Variants in LHFPL3 observed in about 807,000 individuals in gnomAD.
LHFPL3 encodes the protein LHFPL tetraspan subfamily member 3, also known as LHFPL tetraspan subfamily member 3 protein.
A neutral mutation model predicts 19.3 loss-of-function variants in LHFPL3; 5 were observed. The ratio of observed to expected loss-of-function variants is 0.26; its 90% CI spans 0.14 to 0.54. The LOEUF (loss-of-function observed/expected upper bound fraction) is 0.54. LHFPL3 is among the 20% of genes least tolerant of loss of function. LHFPL3 has a pLI of 0.94. For synonymous variants in LHFPL3, 133 were observed against 126.2 expected (o/e 1.05, Z -0.36); for missense variants, 249 against 307.4 (o/e 0.81, Z 1.42).
chr7:104,413,964 A>C (rs980341240), intron 1 of LHFPL3, among the ~76,000 whole-genome samples: 1 of 152,178 alleles, frequency 6.6e-6, no homozygotes. Context: ...AGGTGATTTA[A>C]TATATAAGAA....
At chr7:104,834,733 CA>C in intron 2 of LHFPL3, among the ~76,000 whole-genome samples, 1 of 152,054 alleles carries the variant, frequency 6.6e-6, no homozygotes. Flanking sequence ...CAGCATGGCC[CA>C]TGCAGGTCCT....
intron 1 of LHFPL3, among the ~76,000 whole-genome samples, chr7:104,441,376 A>C (rs959031360): frequency 2.0e-5 from 3 of 152,192 alleles, no homozygotes; most frequent in African/African-American, 7.2e-5. Flanking sequence ...AATATCCTTC[A>C]GGTTCACTCA....
intron 1 of LHFPL3, among the ~76,000 whole-genome samples, chr7:104,614,653 C>CTTCTCTTCTCTTCTCTTCTCTCCTTCCT (rs1554415305): frequency 1.9e-5 from 1 of 51,530 alleles, no homozygotes; most frequent in Non-Finnish European, 4.5e-5. Context: ...CTTCTCTTCT[C>CTTCTCTTCTCTTCTCTTCTCTCCTTCCT]TCCTTCCTTC....
At chr7:104,549,827 AG>A (rs1383875060) in intron 1 of LHFPL3, among the ~76,000 whole-genome samples, 3 of 152,158 alleles carry the variant, frequency 2.0e-5, no homozygotes, top group Non-Finnish European at 4.4e-5. Context: ...AGCTTGCAGA[AG>A]GAGGACAGAG....
chr7:104,693,796 T>G (rs543913119), intron 1 of LHFPL3, among the ~76,000 whole-genome samples: 2,167 of 150,820 alleles, frequency 0.014, 58 homozygotes, highest in African/African-American at 0.048. Flanking sequence ...ATTGTGGGGT[T>G]TTTTTTTTGT....
chr7:104,370,051 A>G (rs1790580212), intron 1 of LHFPL3, among the ~76,000 whole-genome samples: 1 of 152,232 alleles, frequency 6.6e-6, no homozygotes, highest in South Asian at 2.1e-4. Flanking sequence ...TGAATAACTG[A>G]AAAGGCCAGA....
Position 104,328,760 on chromosome 7 carries a change from G to GGAA in LHFPL3, c.-18_-17insAGA. 6.5e-7 allele frequency: 1 copy of GGAA among 1,550,172 alleles called. No homozygotes were observed. The highest frequency in any genetic ancestry group is 1.2e-5 in the South Asian group (1 of 85,508). On this transcript the variant is annotated 5_prime_UTR_variant, in exon 1 of 3. Coordinates refer to ENST00000424859, the MANE Select transcript of LHFPL3 (RefSeq NM_199000.3). This position sits in a 1 kb window ranked among gnomAD's most constrained non-coding sequence, Gnocchi z 4.6. ...AGGCGGAGGACCAGGAGGAGGAGGA[G>GGAA]GAGGAGGAGGAGGGGGAGAATGCCC... is the stretch of plus-strand genomic sequence containing the variant.
rs562528643 is a variant in LHFPL3, at chr7:104,360,281, G to A, written c.445+31057G>A. Among the ~76,000 whole-genome samples the A allele has an allele frequency of 3.9e-5, 6 of 152,270 alleles. No homozygotes were observed. In the South Asian group the frequency reaches 1.0e-3, roughly 26 times the overall value. On this transcript the variant is annotated intron_variant, in intron 1 of 2. Coordinates refer to ENST00000424859, the MANE Select transcript of LHFPL3 (RefSeq NM_199000.3). ...CATAACCTGCTCTTTGGAGTCTTGC[G>A]TTCCAATGTATCATGTTCCACAGTT...
At chr7:104,900,964 C>G (rs1792471064) in intron 2 of LHFPL3, among the ~76,000 whole-genome samples, 1 of 152,146 alleles carries the variant, frequency 6.6e-6, no homozygotes, top group Admixed American at 6.5e-5. Flanking sequence ...AAATTACCTC[C>G]CCTGATAGGC....
intron 1 of LHFPL3, among the ~76,000 whole-genome samples, chr7:104,654,923 C>T (rs901677666): frequency 2.6e-4 from 40 of 152,192 alleles, no homozygotes; most frequent in Non-Finnish European, 4.7e-4. Flanking sequence ...CATACTCGCA[C>T]TCCCTTATAC....
At chr7:104,413,812 T>C (rs75014133) in intron 1 of LHFPL3, among the ~76,000 whole-genome samples, 5,806 of 152,300 alleles carry the variant, frequency 0.038, 157 homozygotes, top group Middle Eastern at 0.054. Context: ...TTAAAAAAAA[T>C]AACCGTACTC....
At chr7:104,395,960 A>G (rs569011915) in intron 1 of LHFPL3, among the ~76,000 whole-genome samples, 4 of 152,334 alleles carry the variant, frequency 2.6e-5, no homozygotes, top group Non-Finnish European at 5.9e-5. Flanking sequence ...AAGTCCAAAA[A>G]GGGAAATCTC....
intron 2 of LHFPL3, among the ~76,000 whole-genome samples, chr7:104,745,654 T>C (rs1794028912): frequency 6.6e-6 from 1 of 152,224 alleles, no homozygotes; most frequent in Non-Finnish European, 1.5e-5. Flanking sequence ...GGATGAATAC[T>C]TTTCTCAGTC....
At chr7:104,727,594 A>T (rs1002400433) in intron 1 of LHFPL3, among the ~76,000 whole-genome samples, 1 of 152,240 alleles carries the variant, frequency 6.6e-6, no homozygotes, top group Admixed American at 6.5e-5. Flanking sequence ...GTCAACAGCT[A>T]TGAAAGTGCA....
intron 1 of LHFPL3, among the ~76,000 whole-genome samples, chr7:104,633,545 TTC>T (rs1300054324): frequency 6.6e-6 from 1 of 152,216 alleles, no homozygotes; most frequent in East Asian, 1.9e-4. Context: ...ATAATTTTGT[TTC>T]TTTGAGGAAA....
chr7:104,689,069 A>G (rs1412873934), intron 1 of LHFPL3, among the ~76,000 whole-genome samples: 1 of 152,210 alleles, frequency 6.6e-6, no homozygotes. Context: ...GAGGGTCCAG[A>G]AGATATACCC....
At chr7:104,361,547 G>A (rs185053420) in intron 1 of LHFPL3, among the ~76,000 whole-genome samples, 77 of 152,218 alleles carry the variant, frequency 5.1e-4, no homozygotes, top group African/African-American at 1.8e-3. Flanking sequence ...CTTTGGCCCC[G>A]CACTACTTTG....
intron 1 of LHFPL3, among the ~76,000 whole-genome samples, chr7:104,611,674 T>A (rs1001427227): frequency 6.6e-6 from 1 of 151,598 alleles, no homozygotes; most frequent in African/African-American, 2.4e-5. Context: ...AAATTAACTA[T>A]ATAGAAGAAA....
At chr7:104,499,691 G>A (rs575614281) in intron 1 of LHFPL3, among the ~76,000 whole-genome samples, 1 of 152,296 alleles carries the variant, frequency 6.6e-6, no homozygotes, top group South Asian at 2.1e-4. Flanking sequence ...AGCTCAATCT[G>A]TTACGTTAAT....
Sources: gnomAD v4.1 joint callset for allele counts (sites outside exome capture counted in the v4.1 genomes callset) on GRCh38, gnomAD v4.1.1 for gene constraint, Gnocchi (gnomAD v3.1) non-coding constraint, MANE v1.5 for transcripts, NCBI Gene and HGNC (gene_info 2026-07-23, HGNC 2026-07-21) for gene names.